GGACT: variants seen among roughly 807,000 people sequenced by gnomAD.
GGACT encodes the protein gamma-glutamylaminecyclotransferase.
For synonymous variants in GGACT, 118 were observed against 115.3 expected (o/e 1.02, Z -0.15); for missense variants, 241 against 233.2 (o/e 1.03, Z -0.22).
intron 2 of GGACT, among the ~76,000 whole-genome samples, chr13:100,572,217 G>A (rs1034052483): frequency 6.6e-6 from 1 of 152,190 alleles, no homozygotes; most frequent in Non-Finnish European, 1.5e-5. Context: ...TGAAAAGACT[G>A]AAAGGAAGGA....
chr13:100,542,196 C>A (rs1388128303), intron 2 of GGACT, among the ~76,000 whole-genome samples: 1 of 152,194 alleles, frequency 6.6e-6, no homozygotes, highest in Non-Finnish European at 1.5e-5. Flanking sequence ...GCTGCCAGTC[C>A]AACTTACTAA....
Position 100,531,943 on chromosome 13 carries a change from G to C in GGACT, c.*187C>G. ...ATTTTTCTTACCAGGTAGAAAGATG[G>C]GAGGGAAGCACCTTGCTATTCGTAT... On this transcript the variant is annotated 3_prime_UTR_variant, in exon 3 of 3. Coordinates refer to ENST00000683975, the MANE Select transcript of GGACT (RefSeq NM_001195087.2). 2 of 431,244 alleles carry C rather than the reference G, an allele frequency of 4.6e-6. No individual in the cohort carries two copies. The highest frequency in any genetic ancestry group is 6.8e-5 in the East Asian group (2 of 29,400). 26.7% of individuals were successfully genotyped at this position (431,244 alleles called of 1,614,324 possible).
chr13:100,588,405 G>A (rs541762820), intron 1 of GGACT, among the ~76,000 whole-genome samples: 2 of 152,338 alleles, frequency 1.3e-5, no homozygotes, highest in African/African-American at 4.8e-5. Context: ...GCCAGCGTGT[G>A]GGCTGTCACG....
chr13:100,569,267 C>T (rs1875005372), intron 2 of GGACT, among the ~76,000 whole-genome samples: 1 of 152,262 alleles, frequency 6.6e-6, no homozygotes, highest in Non-Finnish European at 1.5e-5. Context: ...TATGAGGGCT[C>T]TGCCCCTGCA....
intron 2 of GGACT, among the ~76,000 whole-genome samples, chr13:100,576,057 A>T (rs910168304): frequency 6.6e-6 from 1 of 152,228 alleles, no homozygotes; most frequent in African/African-American, 2.4e-5. Flanking sequence ...TAATCTCTTA[A>T]TTAGTGAGAT....
At chr13:100,575,193 CAACT>C (rs1178869609) in intron 2 of GGACT, among the ~76,000 whole-genome samples, 2 of 152,196 alleles carry the variant, frequency 1.3e-5, no homozygotes, top group South Asian at 2.1e-4. Context: ...ATACTACCAC[CAACT>C]GAGAGCCTAT....
intron 2 of GGACT, among the ~76,000 whole-genome samples, chr13:100,558,622 C>T (rs1367450083): frequency 6.6e-6 from 1 of 152,206 alleles, no homozygotes; most frequent in African/African-American, 2.4e-5. Context: ...ATTTACCATA[C>T]AACCCAGCAA....
At chr13:100,585,295 T>C (rs1350929139) in intron 1 of GGACT, among the ~76,000 whole-genome samples, 1 of 152,306 alleles carries the variant, frequency 6.6e-6, no homozygotes, top group Admixed American at 6.5e-5. Flanking sequence ...ACACAAAAGC[T>C]TTGGAAATTA....
chr13:100,540,996 T>TTTTG (rs893422635), intron 2 of GGACT, among the ~76,000 whole-genome samples: 8 of 152,180 alleles, frequency 5.3e-5, no homozygotes, highest in African/African-American at 9.7e-5. Flanking sequence ...CATGCTAGTT[T>TTTTG]TTTGTTTGTT....
intron 2 of GGACT, chr13:100,533,679 C>T (rs1245955881): frequency 6.6e-6 from 1 of 152,244 alleles, no homozygotes; most frequent in Non-Finnish European, 1.5e-5. Flanking sequence ...CTTCCAAGGT[C>T]TTAGAGGGCA....
intron 2 of GGACT, among the ~76,000 whole-genome samples, chr13:100,578,514 C>G (rs1415482418): frequency 6.6e-6 from 1 of 152,182 alleles, no homozygotes; most frequent in East Asian, 1.9e-4. Context: ...AGCCCCGGAA[C>G]CCTGGTTCTG....
At chr13:100,572,094 C>T (rs1373823795) in intron 2 of GGACT, among the ~76,000 whole-genome samples, 2 of 152,150 alleles carry the variant, frequency 1.3e-5, no homozygotes, top group East Asian at 1.9e-4. Context: ...AATGACATAG[C>T]TCATGCACGT....
intron 2 of GGACT, among the ~76,000 whole-genome samples, chr13:100,567,962 A>C (rs1359632933): frequency 6.6e-6 from 1 of 152,184 alleles, no homozygotes. Flanking sequence ...CTCTAGCCAT[A>C]ATGTCACATT....
chr13:100,565,659 C>T (rs1465685307), intron 2 of GGACT, among the ~76,000 whole-genome samples: 1 of 152,114 alleles, frequency 6.6e-6, no homozygotes, highest in African/African-American at 2.4e-5. Flanking sequence ...CAATTCTGTC[C>T]TCTGTGATCC....
Position 100,545,479 on chromosome 13 carries a change from A to G in GGACT, c.-10-12878T>C, listed in dbSNP as rs1272052983. 1.3e-5 allele frequency among the ~76,000 whole-genome samples: 2 copies of G among 152,166 alleles called. No homozygotes were observed. Among genetic ancestry groups the G allele is most frequent in the African/African-American group, 4.8e-5 (2 of 41,450 alleles). ...CCCCAAGCACTCCAGGGCCCCAGGC[A>G]GCCAGTGGCCTGGGCTGCCCTCATA... On this transcript the variant is annotated intron_variant, in intron 2 of 2. Coordinates refer to ENST00000683975, the MANE Select transcript of GGACT (RefSeq NM_001195087.2). The surrounding 1 kb of genome is among the most constrained non-coding windows in gnomAD (Gnocchi z 4.4).
chr13:100,569,350 A>T (rs1875009811), intron 2 of GGACT, among the ~76,000 whole-genome samples: 1 of 152,248 alleles, frequency 6.6e-6, no homozygotes, highest in Non-Finnish European at 1.5e-5. Flanking sequence ...CCAAACCTCA[A>T]TTCTTGACCG....
intron 2 of GGACT, among the ~76,000 whole-genome samples, chr13:100,543,673 C>T (rs1406834891): frequency 1.3e-5 from 2 of 152,336 alleles, no homozygotes; most frequent in Non-Finnish European, 1.5e-5. Flanking sequence ...ACAATGCATA[C>T]TGCCAGTTGG....
chr13:100,561,044 C>T (rs1338193140), intron 2 of GGACT, among the ~76,000 whole-genome samples: 1 of 152,214 alleles, frequency 6.6e-6, no homozygotes, highest in Admixed American at 6.5e-5. Flanking sequence ...GAACACGTGC[C>T]TCTTCCCCCG....
In GGACT at chr13:100,530,531, G is replaced by GAT. The variant is rs1466392400; in HGVS notation, c.*1597_*1598dup. ...GCATTTCTTTGTGATCCTTTTAAGA[G>GAT]ATTGATATAAATGTCAGTCAGTTCT... On this transcript the variant is annotated 3_prime_UTR_variant, in exon 3 of 3. Coordinates refer to ENST00000683975, the MANE Select transcript of GGACT (RefSeq NM_001195087.2). 5.5e-6 allele frequency: 2 copies of GAT among 365,418 alleles called. No individual in the cohort carries two copies. The highest frequency in any genetic ancestry group is 1.3e-4 in the East Asian group (2 of 14,888). 22.6% of individuals were successfully genotyped at this position (365,418 alleles called of 1,614,324 possible).
Sources: allele counts gnomAD v4.1 joint callset (sites outside exome capture counted in the v4.1 genomes callset), GRCh38; gene constraint gnomAD v4.1.1; non-coding constraint Gnocchi (gnomAD v3.1); transcripts MANE v1.5; gene names NCBI Gene and HGNC (gene_info 2026-07-23, HGNC 2026-07-21).